The following TLL1 variants were observed in gnomAD, a reference collection of about 807,000 sequenced individuals.
TLL1 encodes the protein tolloid-like protein 1.
Under a neutral mutation model 128.2 loss-of-function variants are expected in TLL1, and 49 were observed. The ratio of observed to expected loss-of-function variants is 0.38; its 90% confidence interval spans 0.30 to 0.48. TLL1 has a LOEUF of 0.48. Among genes scored for constraint, TLL1 ranks in the 20% least tolerant of loss-of-function variants. The pLI is 0.96. For missense variants in TLL1, 1,123 were observed against 1,242.0 expected (o/e 0.90, Z 1.44); for synonymous variants, 454 against 418.8 (o/e 1.08, Z -1.03).
At chr4:165,993,501 C>A (rs970590687) in intron 3 of TLL1, among the ~76,000 whole-genome samples, 1 of 151,718 alleles carries the variant, frequency 6.6e-6, no homozygotes, top group Non-Finnish European at 1.5e-5. Flanking sequence ...TAATTAAATG[C>A]TTGAAGTACA....
chr4:165,888,203 T>G (rs1731248177), intron 1 of TLL1, among the ~76,000 whole-genome samples: 1 of 152,210 alleles, frequency 6.6e-6, no homozygotes, highest in Non-Finnish European at 1.5e-5. Flanking sequence ...CTTGCTCTGT[T>G]CTTAATTTTA....
intron 1 of TLL1, among the ~76,000 whole-genome samples, chr4:165,887,148 G>T (rs959802046): frequency 1.3e-5 from 2 of 152,192 alleles, no homozygotes; most frequent in African/African-American, 4.8e-5. Flanking sequence ...TTGGCAATGA[G>T]AAGTGAGCTT....
chr4:165,988,489 C>T (rs908936255), intron 1 of TLL1, among the ~76,000 whole-genome samples: 2 of 151,878 alleles, frequency 1.3e-5, no homozygotes, highest in Admixed American at 6.6e-5. Context: ...ATTAGCCCAG[C>T]GCAGTGGAGT....
At chr4:166,023,694 T>G (rs1738349781) in intron 8 of TLL1, among the ~76,000 whole-genome samples, 1 of 152,194 alleles carries the variant, frequency 6.6e-6, no homozygotes, top group East Asian at 1.9e-4. Context: ...AATCAGACAC[T>G]ATATTATCTG....
chr4:166,078,178 A>G (rs796495948), intron 18 of TLL1, 148 bp downstream of exon 18: 1 of 1,270,428 alleles, frequency 7.9e-7, no homozygotes, highest in Non-Finnish European at 1.1e-6. Flanking sequence ...TCCTACTTGC[A>G]CTAAAATCCT....
chr4:165,889,968 A>G (rs771743495), intron 1 of TLL1, among the ~76,000 whole-genome samples: 2 of 152,156 alleles, frequency 1.3e-5, no homozygotes, highest in African/African-American at 4.8e-5. Context: ...TAAAGGAAAG[A>G]GGTTTAATTG....
intron 1 of TLL1, among the ~76,000 whole-genome samples, chr4:165,960,885 G>A (rs1371550397): frequency 6.6e-6 from 1 of 152,008 alleles, no homozygotes; most frequent in Non-Finnish European, 1.5e-5. Flanking sequence ...CAGGAATACT[G>A]GAAGCCATTC....
At chr4:166,039,470 T>C in intron 10 of TLL1, 29 bp downstream of exon 10, 3 of 1,529,986 alleles carry the variant, frequency 2.0e-6, no homozygotes, top group Non-Finnish European at 2.7e-6. Flanking sequence ...TTTATGTGGC[T>C]ATGTATCTAT....
chr4:165,989,596 C>G lies in TLL1; in HGVS notation c.280+105C>G, dbSNP rs1186921005. On this transcript the variant is annotated intron_variant, in intron 2 of 20. Transcript: ENST00000061240. ...ATTTTTCATCTCCTGTTGATCAACT[C>G]TGACTTCCTATACACAAATATACAT... 5.7e-5 allele frequency: 46 copies of G among 806,232 alleles called. No individual in the cohort carries two copies. The South Asian group carries it at 6.1e-4, about 11-fold the overall frequency. The allele number at this position is 806,232 out of a possible 1,614,324, so 49.9% of individuals were successfully genotyped here.
chr4:166,024,797 T>A (rs1738418491), intron 8 of TLL1, among the ~76,000 whole-genome samples: 1 of 152,202 alleles, frequency 6.6e-6, no homozygotes, highest in African/African-American at 2.4e-5. Flanking sequence ...TATACATATA[T>A]ATTTTTTCTT....
At chr4:165,906,199 C>A (rs1732246767) in intron 1 of TLL1, among the ~76,000 whole-genome samples, 1 of 152,120 alleles carries the variant, frequency 6.6e-6, no homozygotes, top group Admixed American at 6.6e-5. Flanking sequence ...CTCTAGAAAG[C>A]CTGAAATATT....
intron 1 of TLL1, among the ~76,000 whole-genome samples, chr4:165,876,912 T>A (rs1023861943): frequency 6.6e-6 from 1 of 152,186 alleles, no homozygotes; most frequent in African/African-American, 2.4e-5. Context: ...TTTTTGAAAC[T>A]CAAATCCTTG....
Position 166,014,693 on chromosome 4 carries a change from T to C in TLL1, c.1042+133T>C, listed in dbSNP as rs147390404. 2.6e-4 allele frequency: 365 copies of C among 1,386,720 alleles called. 1 individual carries two copies. The African/African-American group carries it at 4.5e-3, about 17-fold the overall frequency. 85.9% of individuals were successfully genotyped at this position (1,386,720 alleles called of 1,614,324 possible). A position where few individuals can be genotyped will look rare whatever the true frequency, so the allele number is the denominator to read the frequency against. On this transcript the variant is annotated intron_variant, in intron 8 of 20. Transcript: ENST00000061240. The stretch of plus-strand genomic sequence containing the variant: ...AGTGACGTGTACAGTTCAAAGTCAG[T>C]AATCATAAAATGAGGCAGGAGGGAA...
chr4:166,014,248 A>G lies in TLL1; in HGVS notation c.918-188A>G, dbSNP rs149541821. ...TCATCATTGAGTTTATACTAGGCATACACATTTAACATGCTTTTTTTTCTA... is the reference window on the plus strand; with the variant it reads ...TCATCATTGAGTTTATACTAGGCATGCACATTTAACATGCTTTTTTTTCTA... On this transcript the variant is annotated intron_variant, in intron 7 of 20. Transcript: ENST00000061240. Among the ~76,000 whole-genome samples, 692 of 152,082 alleles carry G rather than the reference A, an allele frequency of 4.6e-3. 5 individuals are homozygous for G. The highest frequency in any genetic ancestry group is 0.015 in the African/African-American group (638 of 41,530).
intron 1 of TLL1, among the ~76,000 whole-genome samples, chr4:165,923,048 A>G (rs1306559610): frequency 2.0e-5 from 3 of 152,210 alleles, no homozygotes; most frequent in Non-Finnish European, 4.4e-5. Flanking sequence ...CTTCTGAGCC[A>G]AAGAATTATA....
chr4:165,891,596 A>G (rs1250748027), intron 1 of TLL1, among the ~76,000 whole-genome samples: 3 of 152,140 alleles, frequency 2.0e-5, no homozygotes, highest in African/African-American at 7.2e-5. Flanking sequence ...CCTCCTTGTT[A>G]TAGCATAGCA....
intron 8 of TLL1, among the ~76,000 whole-genome samples, chr4:166,018,647 A>G (rs1738064291): frequency 6.6e-6 from 1 of 152,186 alleles, no homozygotes; most frequent in Non-Finnish European, 1.5e-5. Flanking sequence ...GGCAAAGGAT[A>G]TGAACAGATA....
chr4:166,028,500 G>A (rs567065632), intron 9 of TLL1, among the ~76,000 whole-genome samples: 1 of 152,026 alleles, frequency 6.6e-6, no homozygotes, highest in East Asian at 1.9e-4. Flanking sequence ...TTTGTGCAAT[G>A]GTTGGGTGCA....
At chr4:165,933,268 C>A (rs978549259) in intron 1 of TLL1, among the ~76,000 whole-genome samples, 4 of 152,086 alleles carry the variant, frequency 2.6e-5, no homozygotes, top group Non-Finnish European at 4.4e-5. Context: ...GTACATAGAG[C>A]CCAGTGTTGT....
Sources: allele counts gnomAD v4.1 joint callset (sites outside exome capture counted in the v4.1 genomes callset), GRCh38; gene constraint gnomAD v4.1.1; transcripts MANE v1.5; gene names NCBI Gene and HGNC (gene_info 2026-07-23, HGNC 2026-07-21).